The following LRRC69 variants were observed in gnomAD, a reference collection of about 807,000 sequenced individuals.
LRRC69 encodes the protein leucine-rich repeat-containing protein 69.
Under a neutral mutation model 37.8 loss-of-function variants are expected in LRRC69, and 42 were observed. The ratio of observed to expected loss-of-function variants is 1.11; its 90% CI spans 0.87 to 1.44. LRRC69 has a LOEUF of 1.44. LRRC69 is among the 40% of genes most tolerant of loss of function. The pLI, the probability that LRRC69 is intolerant of heterozygous loss-of-function variation, is 0.00. For missense variants in LRRC69, 357 were observed against 401.9 expected (o/e 0.89, Z 0.96); for synonymous variants, 141 against 143.1 (o/e 0.99, Z 0.11).
chr8:91,199,579 T>C (rs1444899739), intron 6 of LRRC69, among the ~76,000 whole-genome samples: 9 of 152,176 alleles, frequency 5.9e-5, no homozygotes, highest in Non-Finnish European at 1.3e-4. Context: ...TGTGTATATA[T>C]GTATTTTCAA....
At chr8:91,195,657 G>A (rs985315536) in intron 6 of LRRC69, among the ~76,000 whole-genome samples, 1 of 152,022 alleles carries the variant, frequency 6.6e-6, no homozygotes, top group African/African-American at 2.4e-5. Context: ...TCAGAGACTA[G>A]GATTGCAACC....
At chr8:91,211,657 T>C (rs1809926969) in intron 7 of LRRC69, among the ~76,000 whole-genome samples, 2 of 150,178 alleles carry the variant, frequency 1.3e-5, no homozygotes, top group Non-Finnish European at 3.0e-5. Context: ...TCTCTTTCTG[T>C]TAAATTTTTT....
intron 2 of LRRC69, chr8:91,124,894 G>A (rs1813692617): frequency 8.0e-6 from 2 of 250,786 alleles, no homozygotes; most frequent in South Asian, 7.0e-5. Context: ...GTGAATCTGG[G>A]GACCCTTTTC....
chr8:91,193,264 T>A (rs1162062703), intron 6 of LRRC69, among the ~76,000 whole-genome samples: 1 of 135,698 alleles, frequency 7.4e-6, no homozygotes, highest in Non-Finnish European at 1.6e-5. Flanking sequence ...TGTAGTATAG[T>A]TTGAAGTCAG....
intron 3 of LRRC69, among the ~76,000 whole-genome samples, chr8:91,132,238 A>G (rs901302010): frequency 2.6e-5 from 4 of 151,956 alleles, no homozygotes; most frequent in African/African-American, 9.6e-5. Flanking sequence ...ATTGTTACCT[A>G]CTAGATAGGT....
rs1813281541 is a variant in LRRC69, at chr8:91,104,906, T to G, written c.183+2062T>G. Among the ~76,000 whole-genome samples the G allele has an allele frequency of 2.0e-5, 3 of 152,234 alleles. No homozygotes were observed. The South Asian group carries it at 6.2e-4, about 32-fold the overall frequency. ...AAAGTTACACATTCCAAGATATATT[T>G]CCATAGGAAAAAGCCCCAAGAGTCT... On this transcript the variant is annotated intron_variant, in intron 1 of 7. Coordinates refer to ENST00000448384, the Ensembl canonical transcript of LRRC69.
chr8:91,196,984 T>C (rs1366781414), intron 6 of LRRC69, among the ~76,000 whole-genome samples: 1 of 151,644 alleles, frequency 6.6e-6, no homozygotes, highest in East Asian at 1.9e-4. Context: ...TATCTACTTT[T>C]GGTCTTTGAT....
intron 3 of LRRC69, among the ~76,000 whole-genome samples, chr8:91,131,352 C>T (rs1813806316): frequency 1.3e-5 from 2 of 151,144 alleles, no homozygotes; most frequent in East Asian, 1.9e-4. Flanking sequence ...GGGTTTACAG[C>T]CATGAGCCAC....
intron 5 of LRRC69, among the ~76,000 whole-genome samples, chr8:91,145,210 T>A (rs932502124): frequency 1.3e-5 from 2 of 151,948 alleles, no homozygotes; most frequent in African/African-American, 4.8e-5. Context: ...GAAACTCTTT[T>A]GCAAGATGGT....
intron 5 of LRRC69, among the ~76,000 whole-genome samples, chr8:91,186,930 T>C (rs993557195): frequency 1.8e-4 from 27 of 152,080 alleles, no homozygotes; most frequent in Non-Finnish European, 3.4e-4. Flanking sequence ...AAGCATAATT[T>C]AGGGGAAATA....
At chr8:91,212,729 C>T (rs887581333) in intron 7 of LRRC69, among the ~76,000 whole-genome samples, 8 of 151,942 alleles carry the variant, frequency 5.3e-5, no homozygotes, top group African/African-American at 1.4e-4. Flanking sequence ...ACATTTATGC[C>T]GTGGTTAGTC....
intron 6 of LRRC69, among the ~76,000 whole-genome samples, chr8:91,192,194 CA>C (rs768894421): frequency 3.3e-5 from 5 of 152,106 alleles, no homozygotes; most frequent in Non-Finnish European, 5.9e-5. Flanking sequence ...TTTATGAATG[CA>C]TAGTATTCCA....
intron 5 of LRRC69, chr8:91,158,115 C>T (rs11553307): frequency 1.3e-6 from 2 of 1,560,708 alleles, no homozygotes; most frequent in East Asian, 2.2e-5. Context: ...ACATTTATTC[C>T]AGCATTACCA....
intron 5 of LRRC69, among the ~76,000 whole-genome samples, chr8:91,181,475 C>T (rs1289940714): frequency 6.6e-6 from 1 of 152,068 alleles, no homozygotes; most frequent in Non-Finnish European, 1.5e-5. Context: ...TCATTATAAT[C>T]TTGTGGCATG....
At chr8:91,105,659 CAAA>C (rs11407238) in intron 1 of LRRC69, among the ~76,000 whole-genome samples, 6 of 110,570 alleles carry the variant, frequency 5.4e-5, no homozygotes, top group Admixed American at 1.1e-4. Flanking sequence ...GATTCTGTCT[CAAA>C]AAAAAAAAAA....
chr8:91,119,475 T>C (rs1026448195), intron 1 of LRRC69, among the ~76,000 whole-genome samples: 3 of 152,094 alleles, frequency 2.0e-5, no homozygotes, highest in African/African-American at 7.2e-5. Flanking sequence ...ACTCTCTTCC[T>C]CTTCTCCAAG....
chr8:91,137,555 T>A (rs1387132747), intron 5 of LRRC69, among the ~76,000 whole-genome samples: 1 of 152,100 alleles, frequency 6.6e-6, no homozygotes, highest in African/African-American at 2.4e-5. Flanking sequence ...GTCTGTTAAT[T>A]GACCGTTTCT....
At chr8:91,133,912 G>A (rs921540961) in intron 4 of LRRC69, among the ~76,000 whole-genome samples, 1 of 151,980 alleles carries the variant, frequency 6.6e-6, no homozygotes, top group Non-Finnish European at 1.5e-5. Flanking sequence ...GATTATAGGC[G>A]TGAGCCACCG....
intron 5 of LRRC69, among the ~76,000 whole-genome samples, chr8:91,161,199 C>T (rs1808937581): frequency 6.6e-6 from 1 of 151,170 alleles, no homozygotes; most frequent in Admixed American, 6.6e-5. Flanking sequence ...CCATTTGCTA[C>T]TATTTTTTTA....
Sources: allele counts gnomAD v4.1 joint callset (sites outside exome capture counted in the v4.1 genomes callset), GRCh38; gene constraint gnomAD v4.1.1; transcripts MANE v1.5; gene names NCBI Gene and HGNC (gene_info 2026-07-23, HGNC 2026-07-21).